Variants in NT5DC1 observed in about 807,000 individuals in gnomAD.
NT5DC1 encodes 5'-nucleotidase domain-containing protein 1.
In NT5DC1, 42 loss-of-function variants were observed where a neutral mutation model predicts 59.4. That is an observed-to-expected ratio of 0.71 (90% CI 0.55 to 0.92). The LOEUF (loss-of-function observed/expected upper bound fraction) is 0.92, where lower values mean the gene tolerates loss of function less well. NT5DC1 is among the 40% of genes least tolerant of loss of function. NT5DC1 has a pLI of 0.00. For missense variants in NT5DC1, 501 were observed against 537.1 expected (o/e 0.93, Z 0.66); for synonymous variants, 172 against 188.1 (o/e 0.91, Z 0.70).
chr6:116,176,461 G>C (rs949723522), intron 6 of NT5DC1, among the ~76,000 whole-genome samples: 1 of 152,068 alleles, frequency 6.6e-6, no homozygotes, highest in Non-Finnish European at 1.5e-5. Context: ...TGCTTTACTG[G>C]TTCTCCTCCC....
chr6:116,104,128 C>T (rs1282742380), intron 1 of NT5DC1, among the ~76,000 whole-genome samples: 1 of 152,158 alleles, frequency 6.6e-6, no homozygotes, highest in African/African-American at 2.4e-5. Flanking sequence ...ATGAAGGCTT[C>T]TAGAGAGACT....
chr6:116,111,573 T>G (rs1778876401), intron 4 of NT5DC1, among the ~76,000 whole-genome samples: 1 of 152,268 alleles, frequency 6.6e-6, no homozygotes. Flanking sequence ...TATTAGTTTT[T>G]TTATTTGTTC....
intron 1 of NT5DC1, among the ~76,000 whole-genome samples, chr6:116,105,507 G>C (rs549996149): frequency 1.3e-5 from 2 of 152,188 alleles, no homozygotes; most frequent in Admixed American, 1.3e-4. Context: ...AGAACACTTC[G>C]AGGTAGAATA....
At chr6:116,163,860 T>A (rs1780403965) in intron 6 of NT5DC1, among the ~76,000 whole-genome samples, 1 of 152,210 alleles carries the variant, frequency 6.6e-6, no homozygotes, top group South Asian at 2.1e-4. Context: ...TTTGTTAAAG[T>A]CATTCAAGAG....
intron 6 of NT5DC1, among the ~76,000 whole-genome samples, chr6:116,154,028 T>TC (rs1780119124): frequency 6.8e-6 from 1 of 146,948 alleles, no homozygotes; most frequent in Non-Finnish European, 1.5e-5. Context: ...AGGGAAGATT[T>TC]CTTTTTTTTT....
At chr6:116,192,356 T>G (rs975409038) in intron 6 of NT5DC1, among the ~76,000 whole-genome samples, 19 of 152,046 alleles carry the variant, frequency 1.2e-4, no homozygotes, top group Non-Finnish European at 2.4e-4. Flanking sequence ...ATTTCCGTTT[T>G]GGGTATACTC....
At chr6:116,159,534 A>G (rs1439421969) in intron 6 of NT5DC1, among the ~76,000 whole-genome samples, 3 of 152,210 alleles carry the variant, frequency 2.0e-5, no homozygotes, top group African/African-American at 4.8e-5. Flanking sequence ...TGTCATGTGA[A>G]TAATTTGCAA....
At chr6:116,233,001 T>A (rs1782048787) in intron 8 of NT5DC1, among the ~76,000 whole-genome samples, 1 of 152,194 alleles carries the variant, frequency 6.6e-6, no homozygotes, top group Non-Finnish European at 1.5e-5. Context: ...AAGAAAAGAT[T>A]TGAGCTTTGT....
intron 6 of NT5DC1, among the ~76,000 whole-genome samples, chr6:116,145,182 T>C (rs965090154): frequency 6.6e-6 from 1 of 152,156 alleles, no homozygotes; most frequent in Admixed American, 6.5e-5. Context: ...AGTGAGAAGT[T>C]GGACAGTTGT....
In NT5DC1 at chr6:116,238,957, A is replaced by G; in HGVS notation, c.1086A>G (p.Gly362=). 6.3e-7 allele frequency: 1 copy of G among 1,584,066 alleles called. No individual in the cohort carries two copies. The change falls in exon 11 of 12, where the codon GGA becomes GGG. Residue 362 remains glycine, a splice_region_variant and synonymous_variant. Coordinates refer to ENST00000319550, the MANE Select transcript of NT5DC1 (RefSeq NM_152729.3). ...EPLEKKGKYE[G]PKAKPLNTSS... ...ATTATTCTGTTCTCTTGTTTCAGGG[A>G]CCAAAAGCAAAACCTTTAAATACTT... is the stretch of plus-strand genomic sequence containing the variant.
chr6:116,126,865 T>C (rs1426495372), intron 6 of NT5DC1, among the ~76,000 whole-genome samples: 1 of 152,190 alleles, frequency 6.6e-6, no homozygotes. Flanking sequence ...AAAAATATTA[T>C]TGGCTTAACT....
chr6:116,215,035 G>A (rs1372468792), intron 6 of NT5DC1, among the ~76,000 whole-genome samples: 1 of 152,048 alleles, frequency 6.6e-6, no homozygotes, highest in Non-Finnish European at 1.5e-5. Flanking sequence ...CTTGTGAAAA[G>A]TGTCATCCAG....
chr6:116,186,553 T>C (rs543747001), intron 6 of NT5DC1, among the ~76,000 whole-genome samples: 91 of 152,104 alleles, frequency 6.0e-4, no homozygotes, highest in African/African-American at 2.1e-3. Context: ...CCCAAACTTA[T>C]TGGAGGCTTT....
chr6:116,246,595 C>A lies in NT5DC1; in HGVS notation c.*2571C>A, dbSNP rs1049701691. 3.3e-5 allele frequency: 5 copies of A among 151,858 alleles called. No homozygotes were observed. Among genetic ancestry groups the A allele is most frequent in the African/African-American group, 9.7e-5 (4 of 41,348 alleles). 9.4% of individuals were successfully genotyped at this position (151,858 alleles called of 1,614,324 possible). A position where few individuals can be genotyped will look rare whatever the true frequency, so the allele number is the denominator to read the frequency against. ...CAAACTGCCTCTCTAGATATAATAA[C>A]CTTCACTGACTGTTGGAAATACATG... On this transcript the variant is annotated 3_prime_UTR_variant, in exon 12 of 12. Transcript: ENST00000319550.
At chr6:116,237,977 A>G (rs1378836726) in intron 9 of NT5DC1, among the ~76,000 whole-genome samples, 1 of 152,350 alleles carries the variant, frequency 6.6e-6, no homozygotes. Context: ...AATGTGTTGT[A>G]TAACTTCTTA....
intron 11 of NT5DC1, among the ~76,000 whole-genome samples, chr6:116,241,803 G>T (rs1348797227): frequency 1.3e-5 from 2 of 151,182 alleles, no homozygotes; most frequent in African/African-American, 4.9e-5. Flanking sequence ...GGCGCCTGTA[G>T]TCCCAGCTAC....
intron 6 of NT5DC1, among the ~76,000 whole-genome samples, chr6:116,162,951 C>A (rs1268332154): frequency 6.6e-6 from 1 of 151,668 alleles, no homozygotes; most frequent in Non-Finnish European, 1.5e-5. Flanking sequence ...CATGGTGAAA[C>A]CCCGTCTCTA....
intron 6 of NT5DC1, among the ~76,000 whole-genome samples, chr6:116,167,917 G>A (rs1780511294): frequency 6.6e-6 from 1 of 151,984 alleles, no homozygotes; most frequent in South Asian, 2.1e-4. Context: ...TTTAATGGAG[G>A]TCTAGGTTAA....
chr6:116,174,942 C>G (rs1780699184), intron 6 of NT5DC1, among the ~76,000 whole-genome samples: 1 of 152,002 alleles, frequency 6.6e-6, no homozygotes, highest in Non-Finnish European at 1.5e-5. Flanking sequence ...TATAATAAAC[C>G]ATTTTGTCTC....
Sources: allele counts gnomAD v4.1 joint callset (sites outside exome capture counted in the v4.1 genomes callset), GRCh38; gene constraint gnomAD v4.1.1; transcripts MANE v1.5; gene names NCBI Gene and HGNC (gene_info 2026-07-23, HGNC 2026-07-21).